Variants in SLC26A5 observed in about 807,000 individuals in gnomAD.
SLC26A5 encodes the protein solute carrier family 26 member 5, also known as prestin.
SLC26A5 carries 51 observed loss-of-function variants against 81.0 expected under a neutral mutation model. The ratio of observed to expected loss-of-function variants is 0.63; its 90% CI spans 0.50 to 0.80. SLC26A5 has a LOEUF of 0.80. Ranked by LOEUF, SLC26A5 falls within the 30% of genes least tolerant of loss-of-function variation. SLC26A5 has a pLI of 0.00. For missense variants in SLC26A5, 771 were observed against 905.8 expected (o/e 0.85, Z 1.91); for synonymous variants, 325 against 332.8 (o/e 0.98, Z 0.25).
At chr7:103,424,939 G>A (rs749944762) in intron 2 of SLC26A5, among the ~76,000 whole-genome samples, 3 of 152,186 alleles carry the variant, frequency 2.0e-5, no homozygotes, top group East Asian at 1.9e-4. Flanking sequence ...GGATGTAAGC[G>A]TGTGTCTCTT....
At chr7:103,416,067 GCT>G (rs1824885610) in intron 4 of SLC26A5, among the ~76,000 whole-genome samples, 1 of 151,990 alleles carries the variant, frequency 6.6e-6, no homozygotes, top group Admixed American at 6.6e-5. Flanking sequence ...ATTTCTATGA[GCT>G]CTTTCTTGTT....
At chr7:103,396,893 G>A (rs565669275) in intron 9 of SLC26A5, among the ~76,000 whole-genome samples, 10 of 152,036 alleles carry the variant, frequency 6.6e-5, no homozygotes, top group Admixed American at 5.2e-4. Flanking sequence ...TCAGGAGTTC[G>A]AGACCAGCCT....
chr7:103,352,774 C>A, exon 20 of SLC26A5: 1 of 768,882 alleles, frequency 1.3e-6, no homozygotes, highest in South Asian at 1.4e-5. Context: ...AAACAAAGTT[C>A]AGAAGTGTTA....
At chr7:103,417,888 A>G (rs1050021558) in intron 4 of SLC26A5, among the ~76,000 whole-genome samples, 1 of 152,112 alleles carries the variant, frequency 6.6e-6, no homozygotes, top group Non-Finnish European at 1.5e-5. Flanking sequence ...AGCTGGGACT[A>G]CAGGCATGTG....
At chr7:103,427,500 C>G (rs1384531919) in intron 2 of SLC26A5, among the ~76,000 whole-genome samples, 1 of 152,060 alleles carries the variant, frequency 6.6e-6, no homozygotes, top group African/African-American at 2.4e-5. Flanking sequence ...AAACACAAAC[C>G]CTGTCTCCTA....
At chr7:103,384,438 C>T (rs963764688) in intron 14 of SLC26A5, among the ~76,000 whole-genome samples, 2 of 151,910 alleles carry the variant, frequency 1.3e-5, no homozygotes, top group Admixed American at 6.6e-5. Flanking sequence ...TGGTGAAACC[C>T]CATCTCTACA....
intron 8 of SLC26A5, among the ~76,000 whole-genome samples, chr7:103,400,802 C>G (rs1187897827): frequency 6.6e-6 from 1 of 152,164 alleles, no homozygotes; most frequent in Non-Finnish European, 1.5e-5. Context: ...TTCCCAACAC[C>G]ATTTATTAAA....
chr7:103,444,057 T>C (rs1161872694), intron 1 of SLC26A5, among the ~76,000 whole-genome samples: 2 of 152,196 alleles, frequency 1.3e-5, no homozygotes, highest in Non-Finnish European at 2.9e-5. Flanking sequence ...TAGTTGTTGG[T>C]ACCTACAATA....
At position 103,404,889 on chromosome 7, in the gene SLC26A5, CT is replaced by C. The variant is rs576734014; in HGVS notation, c.888+2961del. 4.4e-3 allele frequency among the ~76,000 whole-genome samples: 660 copies of C among 151,498 alleles called. 4 individuals are homozygous for C. The highest frequency in any genetic ancestry group is 0.015 in the African/African-American group (623 of 41,320). ...GAGGCTTTGTTCATTCCTTTTCATT[CT>C]TTTTTTTTCCTCTAATCTTGTCTTT... On this transcript the variant is annotated intron_variant, in intron 8 of 19. Coordinates refer to ENST00000306312, the MANE Select transcript of SLC26A5 (RefSeq NM_198999.3).
At chr7:103,430,423 A>C (rs1194032680) in intron 2 of SLC26A5, among the ~76,000 whole-genome samples, 2 of 152,180 alleles carry the variant, frequency 1.3e-5, no homozygotes, top group Non-Finnish European at 2.9e-5. Context: ...AAGATATACA[A>C]GCTTTCTGTA....
chr7:103,401,576 G>A (rs764190781), intron 8 of SLC26A5, among the ~76,000 whole-genome samples: 3 of 152,030 alleles, frequency 2.0e-5, no homozygotes, highest in Non-Finnish European at 4.4e-5. Context: ...TGATTGTCCT[G>A]GCCAGAACTT....
At chr7:103,430,679 T>C (rs1043164586) in intron 2 of SLC26A5, among the ~76,000 whole-genome samples, 2 of 143,066 alleles carry the variant, frequency 1.4e-5, no homozygotes, top group African/African-American at 5.6e-5. Context: ...TGATTTTGCA[T>C]AGAGATGTGA....
chr7:103,421,146 G>C (rs1351021915), intron 3 of SLC26A5, among the ~76,000 whole-genome samples: 1 of 152,142 alleles, frequency 6.6e-6, no homozygotes, highest in African/African-American at 2.4e-5. Flanking sequence ...CAGAAAAAAG[G>C]CATAGTAGGA....
intron 2 of SLC26A5, among the ~76,000 whole-genome samples, chr7:103,424,754 T>C (rs897403216): frequency 2.0e-5 from 3 of 152,182 alleles, no homozygotes; most frequent in African/African-American, 7.2e-5. Flanking sequence ...AGGTGAATTA[T>C]GATGATCAAG....
At chr7:103,390,831 A>G (rs1822580691) in intron 11 of SLC26A5, among the ~76,000 whole-genome samples, 1 of 152,016 alleles carries the variant, frequency 6.6e-6, no homozygotes, top group Non-Finnish European at 1.5e-5. Flanking sequence ...TCTGCTGTCC[A>G]ATATGGGAGC....
At chr7:103,375,779 G>A (rs898544230) in intron 19 of SLC26A5, among the ~76,000 whole-genome samples, 16 of 150,484 alleles carry the variant, frequency 1.1e-4, no homozygotes, top group Middle Eastern at 3.4e-3. Flanking sequence ...TTTTTGAGAC[G>A]GAGTCTTACT....
rs1375215064 is a variant in SLC26A5, at chr7:103,377,798, T to C, written c.1787A>G (p.Asp596Gly). ...AGCATCCTCTCCATCTACTTCTGCA[T>C]CCTGTGTCAAAAATTAAACCAAACC... is the stretch of plus-strand genomic sequence containing the variant. ...NMANATVVKA[D>G]AEVDGEDATK... is the part of the protein sequence containing the mutation. The change falls in exon 18 of 20, where the codon GAT (aspartate) becomes GGT (glycine). Residue 596 changes from aspartate (D) to glycine (G), a missense_variant and splice_region_variant. Transcript: ENST00000306312. 1 of 1,613,556 alleles carries C rather than the reference T, an allele frequency of 6.2e-7. No homozygotes were observed. The highest frequency in any genetic ancestry group is 8.5e-7 in the Non-Finnish European group (1 of 1,179,974).
intron 9 of SLC26A5, among the ~76,000 whole-genome samples, chr7:103,393,336 A>T (rs1276590491): frequency 1.3e-5 from 2 of 152,212 alleles, no homozygotes; most frequent in Admixed American, 1.3e-4. Context: ...GAGTAACCTC[A>T]TACCTCATGG....
intron 6 of SLC26A5, 123 bp from the exon 7 acceptor site, chr7:103,410,672 T>C: frequency 1.1e-6 from 1 of 905,638 alleles, no homozygotes; most frequent in East Asian, 2.7e-5. Context: ...GGAGTCTTGC[T>C]CTGTCACCCA....
Sources: allele counts gnomAD v4.1 joint callset (sites outside exome capture counted in the v4.1 genomes callset), GRCh38; gene constraint gnomAD v4.1.1; transcripts MANE v1.5; gene names NCBI Gene and HGNC (gene_info 2026-07-23, HGNC 2026-07-21).